NEB: variants seen among roughly 807,000 people sequenced by gnomAD.
NEB encodes the protein nebulin, also known as nemaline myopathy type 2.
A neutral mutation model predicts 952.2 loss-of-function variants in NEB; 512 were observed. The ratio of observed to expected loss-of-function variants is 0.54; its 90% CI spans 0.50 to 0.58. The LOEUF (loss-of-function observed/expected upper bound fraction) is 0.58, where lower values mean the gene tolerates loss of function less well. NEB is among the 20% of genes least tolerant of loss of function. NEB has a pLI of 0.00. For synonymous variants in NEB, 2,900 were observed against 3,149.8 expected, an observed-to-expected ratio of 0.92 and a Z score of 2.66; for missense variants, 8,428 against 9,231.1, an observed-to-expected ratio of 0.91 and a Z score of 3.56.
rs1259304299 is a variant in NEB, at chr2:151,513,631, A to G, written c.23190T>C (p.Asn7730=). 5 of 1,610,458 alleles carry G rather than the reference A, an allele frequency of 3.1e-6. No homozygotes were observed. The highest frequency in any genetic ancestry group is 1.7e-5 in the Admixed American group (1 of 59,718). The change falls in exon 160 of 182, where the codon AAT becomes AAC. Residue 7730 remains asparagine, a synonymous_variant. Transcript: ENST00000397345. ...TGGCCCTCATAAAATCCGGAGTTTC[A>G]TTGGCCATGGCATTCAGGCCTCTTC... ...VKGRGLNAMA[N]ETPDFMRARN... is the part of the protein sequence containing the mutation.
chr2:151,534,763 C>G (rs1177113089), intron 142 of NEB, among the ~76,000 whole-genome samples: 1 of 152,052 alleles, frequency 6.6e-6, no homozygotes, highest in African/African-American at 2.4e-5. Context: ...TAAAGGAGAC[C>G]TGGAAATTCT....
chr2:151,717,926 T>C (rs1372745367), intron 9 of NEB, among the ~76,000 whole-genome samples: 2 of 148,738 alleles, frequency 1.3e-5, no homozygotes, highest in Admixed American at 1.4e-4. Context: ...CGATCTCGGC[T>C]CACTGCAAGC....
rs542917965 is a variant in NEB at position 151,610,072 on chromosome 2, C to T, written c.12067G>A (p.Ala4023Thr). The change falls in exon 81 of 182, where the codon GCC (alanine) becomes ACC (threonine). Residue 4023 changes from alanine (A) to threonine (T), a missense_variant. Around this residue, in one of 11 missense-constraint regions of NEB, gnomAD observed 337 missense variants for 297.5 expected, o/e 1.13. Transcript: ENST00000397345. ...YEKQKGHHIG[A>T]QSIEDDPKIM... ...TTGGGATCATCTTCAATGCTCTGGG[C>T]TCCAATGTGGTGGCCTTTCTGTTTC... 1 of 1,613,788 alleles carries T rather than the reference C, an allele frequency of 6.2e-7. No individual in the cohort carries two copies. The highest frequency in any genetic ancestry group is 2.2e-5 in the East Asian group (1 of 44,842).
rs750051812 is a variant in NEB, at chr2:151,499,279, A to AT, written c.24114+18dup. 1.3e-5 allele frequency: 17 copies of AT among 1,266,622 alleles called. No homozygotes were observed. The highest frequency in any genetic ancestry group is 5.2e-5 in the East Asian group (2 of 38,600). The allele number at this position is 1,266,622 out of a possible 1,614,324, so 78.5% of individuals were successfully genotyped here. On this transcript the variant is annotated intron_variant, in intron 169 of 181. Coordinates refer to ENST00000397345, the MANE Select transcript of NEB (RefSeq NM_001164508.2). ...AACATTTTTTTAAATAATTAAAGGGATTTTTTATTTTTAAATACCGAACTA... is the reference window on the plus strand; with the variant it reads ...AACATTTTTTTAAATAATTAAAGGGATTTTTTTATTTTTAAATACCGAACTA...
intron 8 of NEB, among the ~76,000 whole-genome samples, chr2:151,723,750 GTTTTT>G (rs11308757): frequency 3.9e-5 from 2 of 51,364 alleles, no homozygotes; most frequent in African/African-American, 7.2e-5. Context: ...TGCCTTCTTT[GTTTTT>G]TTTTTTTTTT....
chr2:151,566,289 T>C (rs920290738), intron 114 of NEB, among the ~76,000 whole-genome samples: 11 of 152,182 alleles, frequency 7.2e-5, no homozygotes, highest in African/African-American at 2.7e-4. Flanking sequence ...ATCCCCTGGG[T>C]CCCAGCCAAA....
In NEB at chr2:151,666,237, A is replaced by T. The variant is rs1041760075; in HGVS notation, c.4884T>A (p.Pro1628=). Residue 1628 remains proline, a synonymous_variant, in exon 41 of 182, where the codon CCT becomes CCA. Transcript: ENST00000397345. The part of the protein sequence containing the change: ...YEASKTKYHT[P]LDMVSVTAAK... ...CAGCTGTCACACTGACCATATCCAG[A>T]GGTGTGTGGTACTTGGTCTTGCTGG... 6.2e-7 allele frequency: 1 copy of T among 1,613,948 alleles called. No individual in the cohort carries two copies. Among genetic ancestry groups the T allele is most frequent in the Non-Finnish European group, 8.5e-7 (1 of 1,179,872 alleles).
At chr2:151,573,763 G>A (rs894700155) in intron 107 of NEB, among the ~76,000 whole-genome samples, 1 of 152,050 alleles carries the variant, frequency 6.6e-6, no homozygotes, top group Non-Finnish European at 1.5e-5. Context: ...CTACACACAA[G>A]TAATTTCTGC....
chr2:151,664,880 A>T lies in NEB; in HGVS notation c.5239-17T>A. On this transcript the variant is annotated splice_polypyrimidine_tract_variant and intron_variant, in intron 42 of 181. Transcript: ENST00000397345. ...GTAGAGCCTCTGCAATGAGAAAGTC[A>T]GGTGCATGATTTTACAGCAGGACAA... is the stretch of plus-strand genomic sequence containing the variant. 2.5e-6 allele frequency: 4 copies of T among 1,569,992 alleles called. No individual in the cohort carries two copies. Among genetic ancestry groups the T allele is most frequent in the Non-Finnish European group, 3.5e-6 (4 of 1,144,948 alleles).
At chr2:151,679,112 C>T (rs2099395748) in intron 32 of NEB, among the ~76,000 whole-genome samples, 1 of 152,036 alleles carries the variant, frequency 6.6e-6, no homozygotes, top group African/African-American at 2.4e-5. Context: ...CTCGGAGACT[C>T]CACAGAAATC....
chr2:151,491,563 G>A lies in NEB; in HGVS notation c.25150+120C>T, dbSNP rs2056664779. 5 of 821,318 alleles carry A rather than the reference G, an allele frequency of 6.1e-6. No individual in the cohort carries two copies. In the Middle Eastern group the frequency reaches 1.2e-3, roughly 194 times the overall value. The allele number at this position is 821,318 out of a possible 1,614,324, so 50.9% of individuals were successfully genotyped here. A position where few individuals can be genotyped will look rare whatever the true frequency, so the allele number is the denominator to read the frequency against. On this transcript the variant is annotated intron_variant, in intron 179 of 181. Coordinates refer to ENST00000397345, the MANE Select transcript of NEB (RefSeq NM_001164508.2). The stretch of plus-strand genomic sequence containing the variant: ...TTAACAAGGTATTTTTATGCCAAAT[G>A]GGCAGCTCAGAAAATGGAAAACTCT...
chr2:151,570,307 G>T lies in NEB; in HGVS notation c.17204C>A (p.Ala5735Asp). 1.2e-6 allele frequency: 2 copies of T among 1,611,392 alleles called. No individual in the cohort carries two copies. Among genetic ancestry groups the T allele is most frequent in the South Asian group, 1.1e-5 (1 of 90,946 alleles). The change falls in exon 109 of 182, where the codon GCC becomes GAC. Residue 5735 changes from alanine to aspartate, a missense_variant. By Grantham distance (126) the Ala-to-Asp change is moderately radical. Transcript: ENST00000397345. ...ATTCTGGAGCTTGTCAGCTATGAGG[G>T]CCCAGCGGATCTTGTTGTCATCCCT... is the stretch of plus-strand genomic sequence containing the variant. ...TARDDNKIRW[A>D]LIADKLQNER...
rs753335163 is a variant in NEB at position 151,565,806 on chromosome 2, A to G, written c.18171T>C (p.Ala6057=). ...YDLQSDNVYR[A]DLEWLRGIGW... ...CAATGCCTCGGAGCCACTCCAGGTC[A>G]GCTCTGTAGACATTCTGAGAGCAGG... Residue 6057 remains alanine (A), a synonymous_variant, in exon 115 of 182, where the codon GCT becomes GCC. Transcript: ENST00000397345. The G allele has an allele frequency of 6.2e-7, 1 of 1,609,454 alleles. No homozygotes were observed. The highest frequency in any genetic ancestry group is 8.5e-7 in the Non-Finnish European group (1 of 1,177,534).
intron 133 of NEB, among the ~76,000 whole-genome samples, chr2:151,546,733 A>G (rs1181282290): frequency 6.6e-6 from 1 of 151,734 alleles, no homozygotes; most frequent in East Asian, 1.9e-4. Context: ...TAATTTTTGT[A>G]TTTTTAGTAG....
chr2:151,721,620 A>G (rs2099774396), intron 9 of NEB, among the ~76,000 whole-genome samples: 1 of 152,292 alleles, frequency 6.6e-6, no homozygotes, highest in East Asian at 1.9e-4. Context: ...TGTTTGCTAT[A>G]TCATACTTTT....
intron 42 of NEB, among the ~76,000 whole-genome samples, 155 bp downstream of exon 42, chr2:151,665,178 C>T (rs957535271): frequency 3.3e-5 from 5 of 152,072 alleles, no homozygotes; most frequent in African/African-American, 9.7e-5. Flanking sequence ...AAAGAGAACG[C>T]TCTAAACATA....
At chr2:151,498,890 C>CCAAAA (rs1316133706) in intron 169 of NEB, among the ~76,000 whole-genome samples, 1 of 75,342 alleles carries the variant, frequency 1.3e-5, no homozygotes, top group South Asian at 3.7e-4. Flanking sequence ...TGATAAGGTG[C>CCAAAA]TAAAAAAAAG....
chr2:151,608,983 C>G (rs1191470804), intron 81 of NEB, among the ~76,000 whole-genome samples: 1 of 130,860 alleles, frequency 7.6e-6, no homozygotes, highest in Non-Finnish European at 1.7e-5. Context: ...GTATGAGAAG[C>G]AAGGTGCAGG....
chr2:151,677,977 C>T lies in NEB; in HGVS notation c.3466G>A (p.Val1156Ile). 2 of 1,613,918 alleles carry T rather than the reference C, an allele frequency of 1.2e-6. No homozygotes were observed. Among genetic ancestry groups the T allele is most frequent in the Non-Finnish European group, 1.7e-6 (2 of 1,179,850 alleles). ...GAATGCTTATAGTTGACATTGCTGA[C>T]CACATCCTGGGCTTTCTTAGCCGCC... Reference protein sequence around the residue: ...VVAAKKAQDVVSNVNYKHSLH... With the variant: ...VVAAKKAQDVISNVNYKHSLH... Residue 1156 changes from valine to isoleucine, a missense_variant, in exon 33 of 182, where the codon GTC (valine) becomes ATC (isoleucine). Val to Ile is a conservative substitution (Grantham distance 29, BLOSUM62 3). This residue lies in a region of NEB where 2,851 missense variants were observed against 2,791.5 expected (regional missense o/e 1.02). Coordinates refer to ENST00000397345, the MANE Select transcript of NEB (RefSeq NM_001164508.2).
Sources: allele counts gnomAD v4.1 joint callset (sites outside exome capture counted in the v4.1 genomes callset), GRCh38; gene constraint gnomAD v4.1.1; regional missense constraint gnomAD v4.1.1; transcripts MANE v1.5; gene names NCBI Gene and HGNC (gene_info 2026-07-23, HGNC 2026-07-21).